Variants in ZNF618 observed in about 807,000 individuals in gnomAD.
ZNF618 encodes neural precursor cell expressed, developmentally down-regulated 10.
Under a neutral mutation model 103.0 loss-of-function variants are expected in ZNF618, and 34 were observed. The observed-to-expected ratio is 0.33, with a 90% confidence interval of 0.25 to 0.44. ZNF618 has a LOEUF of 0.44. Among genes scored for constraint, ZNF618 ranks in the 20% least tolerant of loss-of-function variants. The pLI is 1.00. For missense variants in ZNF618, 1,059 were observed against 1,295.4 expected, an observed-to-expected ratio of 0.82 and a Z score of 2.80; for synonymous variants, 551 against 542.2, an observed-to-expected ratio of 1.02 and a Z score of -0.23.
intron 1 of ZNF618, among the ~76,000 whole-genome samples, chr9:113,920,405 AT>A (rs35271347): frequency 0.56 from 79,509 of 142,600 alleles, 21,728 homozygotes; most frequent in Admixed American, 0.64. Flanking sequence ...CAGAGTCACA[AT>A]TTTTTTTTTT....
chr9:113,992,571 G>A (rs1228788179), intron 3 of ZNF618, among the ~76,000 whole-genome samples: 3 of 152,152 alleles, frequency 2.0e-5, no homozygotes, highest in Non-Finnish European at 4.4e-5. Flanking sequence ...GTGCTGTGGT[G>A]CCCAGGGCCT....
At chr9:113,973,315 C>T (rs1838172083) in intron 2 of ZNF618, among the ~76,000 whole-genome samples, 1 of 152,188 alleles carries the variant, frequency 6.6e-6, no homozygotes, top group Non-Finnish European at 1.5e-5. Context: ...CTTCTACCCC[C>T]AGCTATGCTA....
At chr9:114,015,959 A>T (rs1842610396) in intron 9 of ZNF618, among the ~76,000 whole-genome samples, 1 of 152,194 alleles carries the variant, frequency 6.6e-6, no homozygotes. Flanking sequence ...AGAGAAGCGC[A>T]CCCCAGATGA....
At chr9:113,998,229 G>C in intron 3 of ZNF618, 30 bp from the exon 4 acceptor site, 2 of 1,547,672 alleles carry the variant, frequency 1.3e-6, no homozygotes, top group Non-Finnish European at 1.7e-6. Context: ...CCAACTTTAA[G>C]GGCTCTTTCT....
At chr9:113,947,858 T>A (rs1186280227) in intron 1 of ZNF618, among the ~76,000 whole-genome samples, 3 of 152,172 alleles carry the variant, frequency 2.0e-5, no homozygotes, top group Non-Finnish European at 4.4e-5. Context: ...CTTCCCCTCT[T>A]CTCCGTGCAA....
At chr9:113,958,647 G>C (rs534973691) in intron 1 of ZNF618, among the ~76,000 whole-genome samples, 2 of 152,212 alleles carry the variant, frequency 1.3e-5, no homozygotes, top group African/African-American at 4.8e-5. Context: ...CCATTCACAC[G>C]TTTGTGCCCA....
chr9:113,896,388 G>A (rs529243933), intron 1 of ZNF618, among the ~76,000 whole-genome samples: 2 of 152,014 alleles, frequency 1.3e-5, no homozygotes, highest in Admixed American at 1.3e-4. Context: ...TTAAATTTCT[G>A]TGTTACTCCT....
rs533666903 is a variant in ZNF618 at position 113,992,549 on chromosome 9, G to T, written c.337+3969G>T. ...TTAACGTGTTCCTGGGGCACTTGGC[G>T]GGGAGTGCTGGGTGCTGTGGTGCCC... On this transcript the variant is annotated intron_variant, in intron 3 of 14. Coordinates refer to ENST00000374126, the MANE Select transcript of ZNF618 (RefSeq NM_001318042.2). Among the ~76,000 whole-genome samples, 3 of 152,244 alleles carry T rather than the reference G, an allele frequency of 2.0e-5. No individual in the cohort carries two copies. In the East Asian group the frequency reaches 5.8e-4, roughly 29 times the overall value.
chr9:113,910,537 C>T (rs766736949), intron 1 of ZNF618, among the ~76,000 whole-genome samples: 4 of 152,134 alleles, frequency 2.6e-5, no homozygotes, highest in Non-Finnish European at 5.9e-5. Flanking sequence ...CTGTGAAGGA[C>T]GTCTTCATGG....
At chr9:113,946,695 G>T (rs565031990) in intron 1 of ZNF618, among the ~76,000 whole-genome samples, 11 of 152,320 alleles carry the variant, frequency 7.2e-5, no homozygotes, top group African/African-American at 2.6e-4. Flanking sequence ...CTCTCTGAGA[G>T]GGGCTGTGAA....
intron 2 of ZNF618, among the ~76,000 whole-genome samples, chr9:113,985,788 G>GTTAT (rs914099876): frequency 6.6e-6 from 1 of 152,234 alleles, no homozygotes; most frequent in Admixed American, 6.5e-5. Context: ...CTTTGGGTAC[G>GTTAT]TTATTTCACC....
intron 1 of ZNF618, among the ~76,000 whole-genome samples, chr9:113,912,366 C>G (rs1041633146): frequency 2.0e-5 from 3 of 152,096 alleles, no homozygotes; most frequent in Non-Finnish European, 4.4e-5. Flanking sequence ...CTGGCAGATG[C>G]AGGCAGCAGA....
At chr9:113,984,007 T>TA (rs1357087334) in intron 2 of ZNF618, among the ~76,000 whole-genome samples, 1 of 152,164 alleles carries the variant, frequency 6.6e-6, no homozygotes, top group African/African-American at 2.4e-5. Context: ...ATGGAGCACC[T>TA]AATATAGGCC....
intron 1 of ZNF618, among the ~76,000 whole-genome samples, chr9:113,950,347 T>C (rs2132266209): frequency 6.6e-6 from 1 of 152,304 alleles, no homozygotes. Flanking sequence ...TCATTGTCTC[T>C]CCCTGTCTCA....
chr9:114,015,373 A>G (rs1427700475), intron 9 of ZNF618, among the ~76,000 whole-genome samples: 2 of 152,362 alleles, frequency 1.3e-5, no homozygotes, highest in African/African-American at 4.8e-5. Context: ...AGTTAATTAA[A>G]CATGAAAAAT....
chr9:114,016,782 T>A lies in ZNF618; in HGVS notation c.842T>A (p.Ile281Asn). The change falls in exon 10 of 15, where the codon ATC (isoleucine) becomes AAC (asparagine). Residue 281 changes from isoleucine (I) to asparagine (N), a missense_variant and splice_region_variant. Transcript: ENST00000374126. ...YQEHVALHAP[I>N]STAPGWEPPD... is the part of the protein sequence containing the mutation. ...GAGCATGTGGCCTTACACGCCCCCA[T>A]CAGTGAGTACCTCCTCCCGGTAGGG... 6.2e-7 allele frequency: 1 copy of A among 1,612,196 alleles called. No individual in the cohort carries two copies. Among genetic ancestry groups the A allele is most frequent in the South Asian group, 1.1e-5 (1 of 90,608 alleles).
intron 2 of ZNF618, 105 bp downstream of exon 2, chr9:113,969,265 G>T (rs1282888667): frequency 1.2e-5 from 17 of 1,410,538 alleles, no homozygotes. Flanking sequence ...AAGGATGGGT[G>T]GTCCAGGCCA....
intron 1 of ZNF618, among the ~76,000 whole-genome samples, chr9:113,898,069 A>G (rs927352688): frequency 2.0e-5 from 3 of 152,234 alleles, no homozygotes; most frequent in Non-Finnish European, 4.4e-5. Flanking sequence ...CTGGCATTAC[A>G]GGCGTGAGCC....
chr9:114,016,820 G>T, intron 10 of ZNF618, 36 bp downstream of exon 10: 1 of 1,561,062 alleles, frequency 6.4e-7, no homozygotes, highest in Non-Finnish European at 8.8e-7. Context: ...GGGGGTTGGG[G>T]GACCCGGGAC....
Sources: allele counts gnomAD v4.1 joint callset (sites outside exome capture counted in the v4.1 genomes callset), GRCh38; gene constraint gnomAD v4.1.1; transcripts MANE v1.5; gene names NCBI Gene and HGNC (gene_info 2026-07-23, HGNC 2026-07-21).